CNTNAP5: variants seen among roughly 807,000 people sequenced by gnomAD.
The protein encoded by CNTNAP5 is contactin-associated protein-like 5.
Under a neutral mutation model 150.2 loss-of-function variants are expected in CNTNAP5, and 72 were observed. That is an observed-to-expected ratio of 0.48 (90% CI 0.40 to 0.58). The LOEUF is 0.58. Ranked by LOEUF, CNTNAP5 falls within the 20% of genes least tolerant of loss-of-function variation. The pLI, the probability that CNTNAP5 is intolerant of heterozygous loss-of-function variation, is 0.00. For synonymous variants in CNTNAP5, 672 were observed against 619.8 expected (o/e 1.08, Z -1.25); for missense variants, 1,636 against 1,626.2 (o/e 1.01, Z -0.10).
intron 1 of CNTNAP5, among the ~76,000 whole-genome samples, chr2:124,097,389 T>C (rs1275074225): frequency 6.6e-6 from 1 of 152,184 alleles, no homozygotes; most frequent in Non-Finnish European, 1.5e-5. Context: ...CTATACACTT[T>C]GATAGCATCA....
At position 124,446,785 on chromosome 2, in the gene CNTNAP5, C is replaced by A; in HGVS notation, c.766C>A (p.Pro256Thr). The A allele has an allele frequency of 6.2e-7, 1 of 1,613,766 alleles. No individual in the cohort carries two copies. Among genetic ancestry groups the A allele is most frequent in the Non-Finnish European group, 8.5e-7 (1 of 1,179,760 alleles). ...DSKARLSSSLPSATLGSLLDD... is the reference protein window; with the variant it reads ...DSKARLSSSLTSATLGSLLDD... ...CAAAGCGCGGCTCAGCAGCAGCTTG[C>A]CCTCTGCCACCCTGGGCAGCCTCCT... Residue 256 changes from proline (P) to threonine (T), a missense_variant, in exon 6 of 24, where the codon CCC becomes ACC. Coordinates refer to ENST00000682447, the MANE Select transcript of CNTNAP5 (RefSeq NM_001367498.1).
rs1387005400 is a variant in CNTNAP5 at position 124,921,054 on chromosome 2, T to C, written c.*6766T>C. Among the ~76,000 whole-genome samples the C allele has an allele frequency of 6.6e-6, 1 of 152,164 alleles. No individual in the cohort carries two copies. The highest frequency in any genetic ancestry group is 1.9e-4 in the East Asian group (1 of 5,176). On this transcript the variant is annotated 3_prime_UTR_variant, in exon 24 of 24. Coordinates refer to ENST00000682447, the MANE Select transcript of CNTNAP5 (RefSeq NM_001367498.1). ...GATGTTGCCTCATTCCAAGTCAGTT[T>C]TGTAGACCATGTAACATGTCTTAAT... is the stretch of plus-strand genomic sequence containing the variant.
At chr2:124,247,204 A>G (rs956364544) in intron 3 of CNTNAP5, among the ~76,000 whole-genome samples, 2 of 152,096 alleles carry the variant, frequency 1.3e-5, no homozygotes, top group African/African-American at 4.8e-5. Context: ...TCACTGTTTG[A>G]TATAGTATTT....
At chr2:124,177,617 T>C (rs999509931) in intron 1 of CNTNAP5, among the ~76,000 whole-genome samples, 1 of 152,182 alleles carries the variant, frequency 6.6e-6, no homozygotes, top group Non-Finnish European at 1.5e-5. Flanking sequence ...TACATGAATG[T>C]ATGAGCAATG....
intron 16 of CNTNAP5, among the ~76,000 whole-genome samples, chr2:124,771,441 C>G (rs966655865): frequency 6.6e-6 from 1 of 152,172 alleles, no homozygotes; most frequent in Non-Finnish European, 1.5e-5. Context: ...CCTGTGGAGT[C>G]AGATTCTGCT....
rs562821102 is a variant in CNTNAP5 at position 124,793,164 on chromosome 2, G to A, written c.2992+3023G>A. 4.4e-4 allele frequency among the ~76,000 whole-genome samples: 67 copies of A among 152,264 alleles called. No individual in the cohort carries two copies. In the South Asian group the frequency reaches 0.013, roughly 31 times the overall value. ...ACATTCTCACCGGCAGTGAATGAGG[G>A]ATCCAATTTCTTCATCTTCTTGCCA... On this transcript the variant is annotated intron_variant, in intron 18 of 23. Transcript: ENST00000682447.
rs182555179 is a variant in CNTNAP5, at chr2:124,691,219, C to A, written c.2077+43261C>A. 2.4e-3 allele frequency among the ~76,000 whole-genome samples: 369 copies of A among 152,178 alleles called. 2 individuals are homozygous for A. Among genetic ancestry groups the A allele is most frequent in the African/African-American group, 8.3e-3 (344 of 41,540 alleles). On this transcript the variant is annotated intron_variant, in intron 13 of 23. Transcript: ENST00000682447. Reference sequence around the variant, plus strand: ...AGCAACATTTTTCTTGGCTTCTCTGCGTAGCATTCTTCCTTCTGGGTGTAG... The same window carrying A: ...AGCAACATTTTTCTTGGCTTCTCTGAGTAGCATTCTTCCTTCTGGGTGTAG...
At chr2:124,347,542 G>A (rs1689770170) in intron 3 of CNTNAP5, among the ~76,000 whole-genome samples, 1 of 152,190 alleles carries the variant, frequency 6.6e-6, no homozygotes, top group Admixed American at 6.5e-5. Flanking sequence ...TGATTCCCCT[G>A]AGGTTTTATT....
At chr2:124,846,443 T>C (rs1683049751) in intron 19 of CNTNAP5, among the ~76,000 whole-genome samples, 1 of 152,160 alleles carries the variant, frequency 6.6e-6, no homozygotes, top group African/African-American at 2.4e-5. Context: ...TATTTTACTG[T>C]CTATTTCACT....
chr2:124,904,210 A>G (rs183395724), intron 22 of CNTNAP5, among the ~76,000 whole-genome samples: 1 of 152,000 alleles, frequency 6.6e-6, no homozygotes, highest in African/African-American at 2.4e-5. Context: ...GATTCCACAT[A>G]TAAGTTATAT....
chr2:124,291,543 TG>T (rs984958712), intron 3 of CNTNAP5, among the ~76,000 whole-genome samples: 3 of 151,714 alleles, frequency 2.0e-5, no homozygotes, highest in African/African-American at 7.3e-5. Flanking sequence ...TATTTTCTTC[TG>T]TTTTTTTTTT....
At chr2:124,790,945 T>C (rs1302002541) in intron 18 of CNTNAP5, among the ~76,000 whole-genome samples, 1 of 152,214 alleles carries the variant, frequency 6.6e-6, no homozygotes, top group Admixed American at 6.5e-5. Flanking sequence ...GTACTCATAA[T>C]TTTTGCAATA....
At chr2:124,782,596 A>AT (rs528323609) in intron 17 of CNTNAP5, among the ~76,000 whole-genome samples, 1,818 of 151,204 alleles carry the variant, frequency 0.012, 9 homozygotes, top group Middle Eastern at 0.044. Context: ...AATTGCTCAC[A>AT]TTTTTTTTTC....
chr2:124,546,410 A>G (rs1173334102), intron 10 of CNTNAP5, among the ~76,000 whole-genome samples: 1 of 151,998 alleles, frequency 6.6e-6, no homozygotes, highest in Non-Finnish European at 1.5e-5. Context: ...ATGCTTATAA[A>G]CTGTGCAAGG....
At chr2:124,501,790 C>A (rs1694284923) in intron 7 of CNTNAP5, among the ~76,000 whole-genome samples, 1 of 152,196 alleles carries the variant, frequency 6.6e-6, no homozygotes, top group South Asian at 2.1e-4. Flanking sequence ...TGACAGGAAA[C>A]TGAGCTGCCA....
intron 1 of CNTNAP5, among the ~76,000 whole-genome samples, chr2:124,068,835 A>G (rs1046156855): frequency 1.3e-5 from 2 of 151,910 alleles, no homozygotes; most frequent in Non-Finnish European, 2.9e-5. Flanking sequence ...CTCCCAGACA[A>G]CATTTCTAGA....
chr2:124,361,679 G>T (rs551349951), intron 3 of CNTNAP5, among the ~76,000 whole-genome samples: 3 of 146,536 alleles, frequency 2.0e-5, no homozygotes, highest in Non-Finnish European at 3.0e-5. Flanking sequence ...CAGATCTCCA[G>T]CTGCGTGCTG....
At chr2:124,407,972 T>C (rs1046428507) in intron 3 of CNTNAP5, among the ~76,000 whole-genome samples, 15 of 151,652 alleles carry the variant, frequency 9.9e-5, no homozygotes, top group African/African-American at 1.5e-4. Flanking sequence ...TCTGAGGTAC[T>C]GGGTTCATCT....
chr2:124,609,702 G>T (rs1677337246), intron 11 of CNTNAP5, 99 bp from the exon 12 acceptor site: 1 of 1,329,442 alleles, frequency 7.5e-7, no homozygotes, highest in Non-Finnish European at 1.0e-6. Flanking sequence ...GGAGGGAAAT[G>T]AATACACATA....
Sources: allele counts gnomAD v4.1 joint callset (sites outside exome capture counted in the v4.1 genomes callset), GRCh38; gene constraint gnomAD v4.1.1; transcripts MANE v1.5; gene names NCBI Gene and HGNC (gene_info 2026-07-23, HGNC 2026-07-21).